DMD: variants seen among roughly 807,000 people sequenced by gnomAD.
The protein encoded by DMD is mutant dystrophin.
Under a neutral mutation model 330.1 loss-of-function variants are expected in DMD, and 63 were observed. That is an observed-to-expected ratio of 0.19 (90% CI 0.16 to 0.24). DMD has a LOEUF of 0.24. Among genes scored for constraint, DMD ranks in the 10% least tolerant of loss-of-function variants. The pLI is 1.00. For missense variants in DMD, 3,344 were observed against 2,684.1 expected (o/e 1.25, Z -5.43); for synonymous variants, 1,223 against 959.8 (o/e 1.27, Z -5.07).
At chrX:31,581,973 A>G (rs746948916) in intron 55 of DMD, among the ~76,000 whole-genome samples, 57 of 111,967 alleles carry the variant, frequency 5.1e-4, no homozygotes, top group African/African-American at 1.8e-3. Context: ...TACCAGTGCC[A>G]CCATTTTGTA....
Position 33,027,584 on chromosome X carries a change from T to A in DMD, c.32-7384A>T, listed in dbSNP as rs1196280048. Among the ~76,000 whole-genome samples the A allele has an allele frequency of 4.4e-5, 5 of 112,636 alleles. No individual in the cohort carries two copies. In the Admixed American group the frequency reaches 4.7e-4, roughly 11 times the overall value. ...GTGACAAATGTGTACTGACACCTAC[T>A]AGGTGGTAGAAAAACAACTGTGAGA... is the stretch of plus-strand genomic sequence containing the variant. On this transcript the variant is annotated intron_variant, in intron 1 of 78. Transcript: ENST00000357033.
chrX:32,167,224 A>G (rs180826319), intron 44 of DMD, among the ~76,000 whole-genome samples: 9 of 112,699 alleles, frequency 8.0e-5, no homozygotes, highest in Non-Finnish European at 1.5e-4. Context: ...GAGCTGAAGT[A>G]TAGTGTAAAT....
intron 2 of DMD, among the ~76,000 whole-genome samples, chrX:32,932,793 AAATC>A (rs2089703385): frequency 8.9e-6 from 1 of 112,006 alleles, no homozygotes; most frequent in South Asian, 3.7e-4. Context: ...CAGCTGAAAT[AAATC>A]AGTGATCCCA....
At chrX:31,494,662 A>C (rs1254827356) in intron 57 of DMD, among the ~76,000 whole-genome samples, 2 of 111,986 alleles carry the variant, frequency 1.8e-5, no homozygotes, top group Non-Finnish European at 3.8e-5. Context: ...CAGACATTTT[A>C]CCACTCTTAA....
intron 62 of DMD, among the ~76,000 whole-genome samples, chrX:31,300,758 G>T (rs988499290): frequency 1.8e-5 from 2 of 111,737 alleles, no homozygotes; most frequent in African/African-American, 6.5e-5. Flanking sequence ...GTTTTCCACA[G>T]TGAACATTTA....
intron 63 of DMD, 134 bp downstream of exon 63, chrX:31,260,821 G>C (rs887415851): frequency 3.5e-5 from 19 of 536,293 alleles, no homozygotes; most frequent in Non-Finnish European, 5.5e-5. Context: ...TTTTGGATAG[G>C]AAGGTGCCAC....
intron 59 of DMD, among the ~76,000 whole-genome samples, chrX:31,477,041 T>C (rs2067839526): frequency 9.0e-6 from 1 of 110,997 alleles, no homozygotes; most frequent in African/African-American, 3.3e-5. Flanking sequence ...GGGACAGAAG[T>C]AGGGAAATGG....
chrX:32,964,164 G>C (rs2092024893), intron 2 of DMD, among the ~76,000 whole-genome samples: 1 of 103,658 alleles, frequency 9.6e-6, no homozygotes, highest in Middle Eastern at 5.1e-3. Context: ...GATGAGGCAG[G>C]AGAATCCCTT....
chrX:32,782,896 C>T (rs1017560451), intron 7 of DMD, among the ~76,000 whole-genome samples: 4 of 105,352 alleles, frequency 3.8e-5, no homozygotes, highest in Non-Finnish European at 5.8e-5. Context: ...TATACATATA[C>T]ACATATATAT....
chrX:31,933,799 C>A (rs2094888845), intron 45 of DMD, among the ~76,000 whole-genome samples: 1 of 111,699 alleles, frequency 9.0e-6, no homozygotes, highest in Non-Finnish European at 1.9e-5. Context: ...GCTTTATACT[C>A]CTTTGTGTCT....
At chrX:33,234,682 T>A (rs909193272) in intron 1 of DMD, among the ~76,000 whole-genome samples, 3 of 111,773 alleles carry the variant, frequency 2.7e-5, no homozygotes, top group African/African-American at 9.8e-5. Flanking sequence ...ATTATGTATA[T>A]TGTCTTATAA....
At chrX:32,092,724 CTTTTTTTTT>C (rs11315047) in intron 44 of DMD, among the ~76,000 whole-genome samples, 4 of 39,783 alleles carry the variant, frequency 1.0e-4, no homozygotes, top group Non-Finnish European at 1.3e-4. Flanking sequence ...GTTATTTTCA[CTTTTTTTTT>C]TTTTTTTTTT....
intron 66 of DMD, among the ~76,000 whole-genome samples, chrX:31,205,729 G>A (rs756072287): frequency 5.8e-4 from 65 of 112,732 alleles, no homozygotes; most frequent in African/African-American, 2.0e-3. Flanking sequence ...TGTATTTTGT[G>A]GCTTACTCCT....
At chrX:32,484,367 A>C (rs1282532439) in intron 21 of DMD, among the ~76,000 whole-genome samples, 3 of 112,185 alleles carry the variant, frequency 2.7e-5, no homozygotes, top group Non-Finnish European at 5.6e-5. Context: ...GCATGGCATG[A>C]ATTTGCATAA....
chrX:32,362,568 G>A (rs2097840809), intron 37 of DMD, among the ~76,000 whole-genome samples: 2 of 111,454 alleles, frequency 1.8e-5, no homozygotes, highest in African/African-American at 6.5e-5. Context: ...AAAGATGAGA[G>A]AGAAAAAGAG....
At chrX:31,505,124 A>G (rs2070798167) in intron 56 of DMD, among the ~76,000 whole-genome samples, 1 of 112,413 alleles carries the variant, frequency 8.9e-6, no homozygotes, top group Admixed American at 9.4e-5. Flanking sequence ...TTGTGCAGAA[A>G]AGAATAACTT....
rs778833073 is a variant in DMD at position 32,946,921 on chromosome X, C to T, written c.93+73218G>A. ...CCTAGGCATCTGTAAGTTTTAAAGACTCTCGTGATGTTCTAAATATCAGCA... is the reference window on the plus strand; with the variant it reads ...CCTAGGCATCTGTAAGTTTTAAAGATTCTCGTGATGTTCTAAATATCAGCA... On this transcript the variant is annotated intron_variant, in intron 2 of 78. Coordinates refer to ENST00000357033, the MANE Select transcript of DMD (RefSeq NM_004006.3). Among the ~76,000 whole-genome samples the T allele has an allele frequency of 3.6e-5, 4 of 112,084 alleles. No homozygotes were observed. The East Asian group carries it at 8.4e-4, about 24-fold the overall frequency.
intron 74 of DMD, among the ~76,000 whole-genome samples, chrX:31,161,604 CT>C (rs1402259788): frequency 2.7e-5 from 3 of 111,252 alleles, no homozygotes; most frequent in African/African-American, 9.8e-5. Flanking sequence ...ATGCCTCCCC[CT>C]CTCCATTTTC....
intron 60 of DMD, among the ~76,000 whole-genome samples, chrX:31,372,666 C>T (rs761420518): frequency 1.5e-3 from 162 of 111,392 alleles, no homozygotes; most frequent in African/African-American, 5.0e-3. Context: ...ATTGATGGGA[C>T]ATATCTCAAA....
Sources: gnomAD v4.1 joint callset for allele counts (sites outside exome capture counted in the v4.1 genomes callset) on GRCh38, gnomAD v4.1.1 for gene constraint, MANE v1.5 for transcripts, NCBI Gene and HGNC (gene_info 2026-07-23, HGNC 2026-07-21) for gene names.